Variants in ARHGEF7 observed in about 807,000 individuals in gnomAD.
ARHGEF7 encodes PAK-interacting exchange factor beta.
ARHGEF7 carries 33 observed loss-of-function variants against 109.8 expected under a neutral mutation model. That is an observed-to-expected ratio of 0.30 (90% CI 0.23 to 0.40). ARHGEF7 has a LOEUF of 0.40. Among genes scored for constraint, ARHGEF7 ranks in the 10% least tolerant of loss-of-function variants. ARHGEF7 has a pLI of 1.00. For synonymous variants in ARHGEF7, 458 were observed against 424.6 expected, an observed-to-expected ratio of 1.08 and a Z score of -0.97; for missense variants, 938 against 1,098.5, an observed-to-expected ratio of 0.85 and a Z score of 2.07.
intron 13 of ARHGEF7, among the ~76,000 whole-genome samples, chr13:111,279,897 A>G (rs757834300): frequency 6.6e-6 from 1 of 152,224 alleles, no homozygotes. Context: ...AGGAAAATAC[A>G]TGGTTCTTTT....
intron 2 of ARHGEF7, among the ~76,000 whole-genome samples, chr13:111,183,378 A>G (rs1462875522): frequency 6.6e-6 from 1 of 152,036 alleles, no homozygotes; most frequent in Non-Finnish European, 1.5e-5. Flanking sequence ...TCTCAGTGAA[A>G]ATGTGGTTAT....
At chr13:111,157,849 G>T (rs965096525) in intron 2 of ARHGEF7, among the ~76,000 whole-genome samples, 2 of 152,156 alleles carry the variant, frequency 1.3e-5, no homozygotes, top group Non-Finnish European at 2.9e-5. Context: ...TAGCTTCCAA[G>T]ATGTTCCCAC....
intron 1 of ARHGEF7, among the ~76,000 whole-genome samples, chr13:111,126,202 G>A (rs994646471): frequency 1.3e-5 from 2 of 152,168 alleles, no homozygotes; most frequent in African/African-American, 4.8e-5. Flanking sequence ...TTGAAAATAG[G>A]CTTTAAGGCT....
At chr13:111,219,793 G>A (rs2083590918) in intron 5 of ARHGEF7, among the ~76,000 whole-genome samples, 1 of 152,058 alleles carries the variant, frequency 6.6e-6, no homozygotes, top group South Asian at 2.1e-4. Context: ...TGCTTGTTAT[G>A]TTCCAGTTAA....
chr13:111,165,659 A>G (rs537315749), intron 2 of ARHGEF7, among the ~76,000 whole-genome samples: 1 of 152,350 alleles, frequency 6.6e-6, no homozygotes, highest in Non-Finnish European at 1.5e-5. Flanking sequence ...GAACCGACTC[A>G]GTATAGCCAG....
At chr13:111,139,992 C>A (rs778680562) in intron 1 of ARHGEF7, among the ~76,000 whole-genome samples, 8 of 152,208 alleles carry the variant, frequency 5.3e-5, no homozygotes, top group African/African-American at 1.2e-4. Context: ...AGGTCTTTTT[C>A]GGGATAGTTC....
At chr13:111,126,318 C>T (rs2067556395) in intron 1 of ARHGEF7, among the ~76,000 whole-genome samples, 1 of 152,180 alleles carries the variant, frequency 6.6e-6, no homozygotes, top group Non-Finnish European at 1.5e-5. Flanking sequence ...TGGTAAAACC[C>T]TGTCTCTTCT....
At chr13:111,268,830 C>T (rs2091895777) in intron 9 of ARHGEF7, among the ~76,000 whole-genome samples, 1 of 152,196 alleles carries the variant, frequency 6.6e-6, no homozygotes, top group Non-Finnish European at 1.5e-5. Flanking sequence ...AGTGAATATT[C>T]TGTTGTCTTC....
At chr13:111,252,379 G>A (rs1020169562) in intron 8 of ARHGEF7, among the ~76,000 whole-genome samples, 1 of 152,140 alleles carries the variant, frequency 6.6e-6, no homozygotes, top group Non-Finnish European at 1.5e-5. Context: ...TTGCATTTGG[G>A]CAGTGAGGTA....
chr13:111,299,598 T>A (rs1250276230), intron 19 of ARHGEF7, among the ~76,000 whole-genome samples: 1 of 152,152 alleles, frequency 6.6e-6, no homozygotes, highest in Non-Finnish European at 1.5e-5. Flanking sequence ...CGCCTCCGCC[T>A]CCCAAAGTGC....
intron 1 of ARHGEF7, among the ~76,000 whole-genome samples, chr13:111,121,525 G>T (rs1306271098): frequency 1.3e-5 from 2 of 152,192 alleles, no homozygotes; most frequent in Non-Finnish European, 2.9e-5. Flanking sequence ...AGTGGGGGCA[G>T]AGCCGTTTGT....
rs2092315013 is a variant in ARHGEF7, at chr13:111,273,654, C to T, written c.1074-160C>T. On this transcript the variant is annotated intron_variant, in intron 9 of 21. Coordinates refer to ENST00000646102, the MANE Select transcript of ARHGEF7 (RefSeq NM_001354046.2). The surrounding 1 kb of genome is among the most constrained non-coding windows in gnomAD (Gnocchi z 4.5). ...GGATGGGAGTCCCCTTTGGCATTTC[C>T]AGATAAGCAGCGCAGATTTGGGATA... is the stretch of plus-strand genomic sequence containing the variant. 6.6e-6 allele frequency among the ~76,000 whole-genome samples: 1 copy of T among 152,194 alleles called. No homozygotes were observed. The highest frequency in any genetic ancestry group is 6.5e-5 in the Admixed American group (1 of 15,286).
At chr13:111,283,002 C>T (rs969930100) in intron 15 of ARHGEF7, 137 bp from the exon 16 acceptor site, 46 of 1,196,904 alleles carry the variant, frequency 3.8e-5, no homozygotes, top group South Asian at 1.8e-4. Flanking sequence ...GCCAGAGATA[C>T]GAATGAAATG....
chr13:111,281,684 G>A (rs1184957663), intron 15 of ARHGEF7, among the ~76,000 whole-genome samples: 1 of 152,160 alleles, frequency 6.6e-6, no homozygotes, highest in Non-Finnish European at 1.5e-5. Context: ...AAAGAACAGT[G>A]GATGAGCTGC....
intron 2 of ARHGEF7, among the ~76,000 whole-genome samples, chr13:111,201,155 C>G (rs1248039520): frequency 6.6e-6 from 1 of 152,178 alleles, no homozygotes; most frequent in African/African-American, 2.4e-5. Flanking sequence ...CCCCCTTGTT[C>G]CTGTGGCTGA....
At position 111,266,270 on chromosome 13, in the gene ARHGEF7, T is replaced by G. The variant is rs2091628755; in HGVS notation, c.951-1278T>G. 1.3e-5 allele frequency among the ~76,000 whole-genome samples: 2 copies of G among 152,026 alleles called. No individual in the cohort carries two copies. Among genetic ancestry groups the G allele is most frequent in the Non-Finnish European group, 2.9e-5 (2 of 67,992 alleles). Reference sequence around the variant, plus strand: ...TGAGGAGCCCCATGCTGTTCCTCATTCTCGGTGTGAACAGGTGTTTCTCAC... The same window carrying G: ...TGAGGAGCCCCATGCTGTTCCTCATGCTCGGTGTGAACAGGTGTTTCTCAC... On this transcript the variant is annotated intron_variant, in intron 8 of 21. Coordinates refer to ENST00000646102, the MANE Select transcript of ARHGEF7 (RefSeq NM_001354046.2). This position sits in a 1 kb window ranked among gnomAD's most constrained non-coding sequence, Gnocchi z 4.8.
chr13:111,217,621 TATA>T, intron 4 of ARHGEF7, 55 bp from the exon 5 acceptor site: 3 of 1,453,856 alleles, frequency 2.1e-6, no homozygotes, highest in Non-Finnish European at 2.9e-6. Context: ...TAATCCATTT[TATA>T]ATGAAGTAGA....
chr13:111,167,152 C>G (rs937947462), intron 2 of ARHGEF7, among the ~76,000 whole-genome samples: 8 of 152,124 alleles, frequency 5.3e-5, no homozygotes, highest in Non-Finnish European at 1.0e-4. Context: ...CTTAGGTCCT[C>G]TTTATCGTCA....
chr13:111,292,456 A>G, intron 19 of ARHGEF7, 162 bp downstream of exon 19: 1 of 1,448,232 alleles, frequency 6.9e-7, no homozygotes, highest in Non-Finnish European at 9.0e-7. Context: ...TGTTCCTGAT[A>G]TTTCCCATTG....
Sources: allele counts gnomAD v4.1 joint callset (sites outside exome capture counted in the v4.1 genomes callset), GRCh38; gene constraint gnomAD v4.1.1; non-coding constraint Gnocchi (gnomAD v3.1); transcripts MANE v1.5; gene names NCBI Gene and HGNC (gene_info 2026-07-23, HGNC 2026-07-21).